Variants in CLASP1 observed in about 807,000 individuals in gnomAD.
The protein encoded by CLASP1 is CLIP-associating protein 1.
In CLASP1, 38 loss-of-function variants were observed where a neutral mutation model predicts 192.3. That is an observed-to-expected ratio of 0.20 (90% confidence interval 0.15 to 0.26). The LOEUF is 0.26. Among genes scored for constraint, CLASP1 ranks in the 10% least tolerant of loss-of-function variants. CLASP1 has a pLI of 1.00. For missense variants in CLASP1, 1,433 were observed against 1,932.5 expected, an observed-to-expected ratio of 0.74 and a Z score of 4.85; for synonymous variants, 691 against 712.8, an observed-to-expected ratio of 0.97 and a Z score of 0.49.
intron 15 of CLASP1, 43 bp downstream of exon 15, chr2:121,451,747 G>A: frequency 1.3e-6 from 2 of 1,491,520 alleles, no homozygotes; most frequent in African/African-American, 1.4e-5. Context: ...TCACTCTAAA[G>A]GCTCAATTCA....
chr2:121,425,121 A>C lies in CLASP1; in HGVS notation c.2212+18T>G. The C allele has an allele frequency of 6.3e-7, 1 of 1,590,034 alleles. No homozygotes were observed. Among genetic ancestry groups the C allele is most frequent in the Non-Finnish European group, 8.6e-7 (1 of 1,167,930 alleles). On this transcript the variant is annotated intron_variant, in intron 22 of 39. Transcript: ENST00000263710. ...ACCAAGCTGGGAATGGTATTCCAAG[A>C]TCTTTGAGAATCCTTACCTAATCCT...
chr2:121,619,472 C>T (rs1217390595), intron 1 of CLASP1, among the ~76,000 whole-genome samples: 3 of 152,082 alleles, frequency 2.0e-5, no homozygotes, highest in Non-Finnish European at 4.4e-5. Flanking sequence ...GCTGGCAGAT[C>T]AGTTATTTCC....
exon 28 of CLASP1, chr2:121,401,520 T>C (rs748964600): frequency 2.5e-6 from 4 of 1,611,504 alleles, no homozygotes; most frequent in Non-Finnish European, 3.4e-6. Flanking sequence ...TTGTGACATC[T>C]AGAGCCTTTT....
intron 1 of CLASP1, among the ~76,000 whole-genome samples, chr2:121,618,467 T>C (rs914937803): frequency 2.0e-5 from 3 of 152,210 alleles, no homozygotes; most frequent in Non-Finnish European, 2.9e-5. Flanking sequence ...ATCACAGAAC[T>C]GGTTCCCAAC....
rs1020729132 is a variant in CLASP1 at position 121,436,078 on chromosome 2, T to A, written c.1913-5901A>T. 5.9e-5 allele frequency among the ~76,000 whole-genome samples: 9 copies of A among 152,110 alleles called. No individual in the cohort carries two copies. In the South Asian group the frequency reaches 8.3e-4, roughly 14 times the overall value. Reference sequence around the variant, plus strand: ...ACAGAACTTTACTCTGTCACCCAGGTTGGAGTACAGTGGTGTGATCTCAGC... The same window carrying A: ...ACAGAACTTTACTCTGTCACCCAGGATGGAGTACAGTGGTGTGATCTCAGC... On this transcript the variant is annotated intron_variant, in intron 19 of 39. Transcript: ENST00000263710.
chr2:121,589,315 C>T (rs1220709389), intron 2 of CLASP1, among the ~76,000 whole-genome samples: 1 of 152,122 alleles, frequency 6.6e-6, no homozygotes, highest in Non-Finnish European at 1.5e-5. Flanking sequence ...CACACACTTA[C>T]CCCTCACTAC....
chr2:121,453,003 A>G (rs539581335), intron 14 of CLASP1, among the ~76,000 whole-genome samples: 3 of 151,900 alleles, frequency 2.0e-5, no homozygotes, highest in Non-Finnish European at 4.4e-5. Flanking sequence ...TCAATAAATC[A>G]AGGCTGGGAG....
chr2:121,600,693 T>C (rs1433539530), intron 2 of CLASP1, among the ~76,000 whole-genome samples: 1 of 152,238 alleles, frequency 6.6e-6, no homozygotes, highest in Non-Finnish European at 1.5e-5. Context: ...TTCCTCTCCA[T>C]AGACTATGAG....
At chr2:121,593,926 T>C (rs555324741) in intron 2 of CLASP1, among the ~76,000 whole-genome samples, 10 of 150,876 alleles carry the variant, frequency 6.6e-5, no homozygotes, top group African/African-American at 2.4e-4. Context: ...GGAGAATCAC[T>C]GAACCCGGGA....
intron 39 of CLASP1, 41 bp from the exon 41 acceptor site, chr2:121,340,988 C>T: frequency 1.4e-6 from 2 of 1,385,520 alleles, no homozygotes; most frequent in Non-Finnish European, 2.0e-6. Flanking sequence ...GGAAGAAAAG[C>T]AATCAGAAAG....
intron 24 of CLASP1, chr2:121,407,987 C>T (rs1247194072): frequency 1.9e-6 from 1 of 534,390 alleles, no homozygotes; most frequent in African/African-American, 1.9e-5. Context: ...AGATCACAAC[C>T]TTGGTGCCAA....
At chr2:121,612,319 G>A (rs890318020) in intron 1 of CLASP1, among the ~76,000 whole-genome samples, 1 of 151,308 alleles carries the variant, frequency 6.6e-6, no homozygotes, top group African/African-American at 2.4e-5. Flanking sequence ...GTATGAGGAA[G>A]AGGAGTTACA....
chr2:121,503,598 TC>T (rs2093833766), intron 7 of CLASP1, among the ~76,000 whole-genome samples: 1 of 151,812 alleles, frequency 6.6e-6, no homozygotes. Context: ...GTGTTTCTCC[TC>T]TTTCTTTCTT....
chr2:121,399,769 A>C (rs1169528544), intron 28 of CLASP1, among the ~76,000 whole-genome samples: 2 of 152,234 alleles, frequency 1.3e-5, no homozygotes, highest in Non-Finnish European at 2.9e-5. Context: ...AAAGTTTAGG[A>C]ACACAATCTT....
chr2:121,477,386 A>G (rs1349834770), intron 8 of CLASP1, among the ~76,000 whole-genome samples: 1 of 152,216 alleles, frequency 6.6e-6, no homozygotes, highest in Non-Finnish European at 1.5e-5. Flanking sequence ...CAAATCAACA[A>G]AGACAATTAA....
intron 2 of CLASP1, among the ~76,000 whole-genome samples, chr2:121,547,289 T>A (rs1166456598): frequency 6.6e-6 from 1 of 152,172 alleles, no homozygotes; most frequent in African/African-American, 2.4e-5. Flanking sequence ...GCGGTGGAAC[T>A]GCCCTTGCTA....
intron 2 of CLASP1, among the ~76,000 whole-genome samples, chr2:121,561,592 T>C (rs2059090767): frequency 6.6e-6 from 1 of 152,120 alleles, no homozygotes; most frequent in Admixed American, 6.6e-5. Flanking sequence ...TGACAGCTGA[T>C]GAGCTTAAAA....
At chr2:121,373,820 T>C (rs2069312576) in intron 34 of CLASP1, among the ~76,000 whole-genome samples, 1 of 152,340 alleles carries the variant, frequency 6.6e-6, no homozygotes, top group African/African-American at 2.4e-5. Flanking sequence ...TGGCTGCTTC[T>C]AAAAGCCTCT....
intron 2 of CLASP1, among the ~76,000 whole-genome samples, chr2:121,562,152 G>A (rs2059140942): frequency 6.6e-6 from 1 of 152,170 alleles, no homozygotes; most frequent in African/African-American, 2.4e-5. Flanking sequence ...TCTTTGTCCT[G>A]GACAGCAAGT....
Sources: gnomAD v4.1 joint callset for allele counts (sites outside exome capture counted in the v4.1 genomes callset) on GRCh38, gnomAD v4.1.1 for gene constraint, MANE v1.5 for transcripts, NCBI Gene and HGNC (gene_info 2026-07-23, HGNC 2026-07-21) for gene names.